CNIH4: variants seen among roughly 807,000 people sequenced by gnomAD.
CNIH4 encodes the protein cornichon family member 4.
Under a neutral mutation model 21.5 loss-of-function variants are expected in CNIH4, and 9 were observed. The observed-to-expected ratio is 0.42, with a 90% CI of 0.25 to 0.73. The LOEUF (loss-of-function observed/expected upper bound fraction) is 0.73, where lower values mean the gene tolerates loss of function less well. Among genes scored for constraint, CNIH4 ranks in the 30% least tolerant of loss-of-function variants. The pLI is 0.27. For synonymous variants in CNIH4, 67 were observed against 59.1 expected (o/e 1.13, Z -0.61); for missense variants, 159 against 170.0 (o/e 0.94, Z 0.36).
At chr1:224,374,825 C>T (rs1055682078) in intron 4 of CNIH4, among the ~76,000 whole-genome samples, 12 of 152,096 alleles carry the variant, frequency 7.9e-5, no homozygotes, top group African/African-American at 2.9e-4. Context: ...TTTATGCTGA[C>T]CCATAGTAAA....
chr1:224,360,412 C>T, intron 1 of CNIH4, 83 bp from the exon 2 acceptor site: 1 of 658,524 alleles, frequency 1.5e-6, no homozygotes, highest in Non-Finnish European at 2.4e-6. Context: ...TCTAATTCTG[C>T]CTTGTAACTG....
chr1:224,374,620 G>A (rs1429837272), intron 4 of CNIH4, among the ~76,000 whole-genome samples: 1 of 150,142 alleles, frequency 6.7e-6, no homozygotes, highest in East Asian at 2.0e-4. Flanking sequence ...TCACCATGTT[G>A]GTCAGGTGAT....
chr1:224,358,679 A>G (rs1454272218), intron 1 of CNIH4, among the ~76,000 whole-genome samples: 3 of 152,136 alleles, frequency 2.0e-5, no homozygotes, highest in Non-Finnish European at 4.4e-5. Context: ...AAGCCAAAAG[A>G]TTGGACACCC....
chr1:224,371,970 C>T (rs1447096921), intron 4 of CNIH4, among the ~76,000 whole-genome samples: 1 of 151,972 alleles, frequency 6.6e-6, no homozygotes, highest in Admixed American at 6.6e-5. Flanking sequence ...TAGTAGTATA[C>T]AGCTGTGGAG....
intron 3 of CNIH4, among the ~76,000 whole-genome samples, chr1:224,368,485 C>G (rs1051965836): frequency 2.6e-5 from 4 of 152,108 alleles, no homozygotes; most frequent in African/African-American, 9.7e-5. Context: ...TTTAAAAAAT[C>G]AACAGATAGA....
chr1:224,357,336 C>G (rs1672146466), intron 1 of CNIH4: 1 of 228,774 alleles, frequency 4.4e-6, no homozygotes, highest in Admixed American at 5.9e-5. Flanking sequence ...CTGCCTGAGC[C>G]ACGGCCGCCC....
At chr1:224,359,438 GAT>G (rs1178634851) in intron 1 of CNIH4, among the ~76,000 whole-genome samples, 2 of 152,190 alleles carry the variant, frequency 1.3e-5, no homozygotes, top group Non-Finnish European at 2.9e-5. Flanking sequence ...GAGTGATTAT[GAT>G]ATATGAAACA....
intron 4 of CNIH4, among the ~76,000 whole-genome samples, chr1:224,374,763 C>A (rs748161887): frequency 4.1e-4 from 62 of 152,138 alleles, no homozygotes; most frequent in Admixed American, 9.2e-4. Flanking sequence ...ATTAATAGTA[C>A]CTACCTCATC....
chr1:224,364,418 A>G, intron 2 of CNIH4: 1 of 964,526 alleles, frequency 1.0e-6, no homozygotes, highest in Non-Finnish European at 1.2e-6. Context: ...TGTGGCTTAC[A>G]TGTTATTTCA....
intron 3 of CNIH4, among the ~76,000 whole-genome samples, chr1:224,369,860 G>T (rs900217405): frequency 1.3e-5 from 2 of 151,832 alleles, no homozygotes; most frequent in African/African-American, 4.8e-5. Context: ...ATTTTTAGTA[G>T]CAATGGGATT....
At chr1:224,371,723 A>T (rs1265857446) in intron 4 of CNIH4, among the ~76,000 whole-genome samples, 4 of 152,166 alleles carry the variant, frequency 2.6e-5, no homozygotes, top group Non-Finnish European at 4.4e-5. Context: ...AGGGCAGATC[A>T]CCTGAGGTCG....
At chr1:224,367,243 T>C (rs1672489957) in intron 3 of CNIH4, among the ~76,000 whole-genome samples, 1 of 152,170 alleles carries the variant, frequency 6.6e-6, no homozygotes, top group South Asian at 2.1e-4. Context: ...ATTGGCTGTT[T>C]TTTAAGTATG....
rs911847763 is a variant in CNIH4 at position 224,377,219 on chromosome 1, A to G, written c.*1397A>G. 6.6e-6 allele frequency: 1 copy of G among 152,306 alleles called. No individual in the cohort carries two copies. Among genetic ancestry groups the G allele is most frequent in the Non-Finnish European group, 1.5e-5 (1 of 68,088 alleles). 9.4% of individuals were successfully genotyped at this position (152,306 alleles called of 1,614,324 possible). A position where few individuals can be genotyped will look rare whatever the true frequency, so the allele number is the denominator to read the frequency against. On this transcript the variant is annotated 3_prime_UTR_variant, in exon 5 of 5. Coordinates refer to ENST00000465271, the MANE Select transcript of CNIH4 (RefSeq NM_014184.4). ...TGGCTCTGCTGGCCTCTTTGGGGTC[A>G]CAGAAATTGCTCCTTGTGGTAATCT...
intron 2 of CNIH4, among the ~76,000 whole-genome samples, chr1:224,363,765 ATAT>A (rs1672368419): frequency 1.3e-5 from 2 of 151,836 alleles, no homozygotes; most frequent in African/African-American, 4.8e-5. Flanking sequence ...CTGCCTATTC[ATAT>A]TTAAGGGTAA....
At chr1:224,358,345 C>G (rs1423970631) in intron 1 of CNIH4, among the ~76,000 whole-genome samples, 1 of 152,208 alleles carries the variant, frequency 6.6e-6, no homozygotes, top group African/African-American at 2.4e-5. Flanking sequence ...GCAGTTTTTA[C>G]TTTGATGATA....
chr1:224,375,897 C>T lies in CNIH4; in HGVS notation c.*75C>T. The T allele has an allele frequency of 6.3e-7, 1 of 1,585,390 alleles. No homozygotes were observed. Among genetic ancestry groups the T allele is most frequent in the Non-Finnish European group, 8.6e-7 (1 of 1,164,824 alleles). On this transcript the variant is annotated 3_prime_UTR_variant, in exon 5 of 5. Transcript: ENST00000465271. Reference sequence around the variant, plus strand: ...AGGAGCCAGAGACTTCTTAAATCATCCTTAGAACCGTGACCATAGCAGTAT... The same window carrying T: ...AGGAGCCAGAGACTTCTTAAATCATTCTTAGAACCGTGACCATAGCAGTAT...
Position 224,379,281 on chromosome 1 carries a change from C to T in CNIH4, c.*3459C>T. On this transcript the variant is annotated 3_prime_UTR_variant, in exon 5 of 5. Transcript: ENST00000465271. Reference sequence around the variant, plus strand: ...TAGTAGTATCTCCCATGGCACTTACCACATTCTATCTGGTATTACAGTTAT... The same window carrying T: ...TAGTAGTATCTCCCATGGCACTTACTACATTCTATCTGGTATTACAGTTAT... The T allele has an allele frequency of 4.9e-6, 3 of 607,750 alleles. No homozygotes were observed. Among genetic ancestry groups the T allele is most frequent in the Non-Finnish European group, 8.8e-6 (3 of 340,686 alleles). 37.6% of individuals were successfully genotyped at this position (607,750 alleles called of 1,614,324 possible).
At chr1:224,371,175 C>A in intron 3 of CNIH4, 108 bp from the exon 4 acceptor site, 1 of 1,174,118 alleles carries the variant, frequency 8.5e-7, no homozygotes, top group Non-Finnish European at 1.2e-6. Context: ...CAGTACTGGG[C>A]CTGATTGGTT....
At chr1:224,359,209 C>G (rs1236048033) in intron 1 of CNIH4, among the ~76,000 whole-genome samples, 4 of 152,156 alleles carry the variant, frequency 2.6e-5, no homozygotes, top group Non-Finnish European at 5.9e-5. Context: ...AAGTCTTTCA[C>G]TTTTATCCTG....
Sources: gnomAD v4.1 joint callset for allele counts (sites outside exome capture counted in the v4.1 genomes callset) on GRCh38, gnomAD v4.1.1 for gene constraint, MANE v1.5 for transcripts, NCBI Gene and HGNC (gene_info 2026-07-23, HGNC 2026-07-21) for gene names.